NLGN1: variants seen among roughly 807,000 people sequenced by gnomAD.
The protein encoded by NLGN1 is neuroligin 1, also known as neuroligin-1.
Under a neutral mutation model 65.5 loss-of-function variants are expected in NLGN1, and 12 were observed. That is an observed-to-expected ratio of 0.18 (90% CI 0.12 to 0.30). The LOEUF is 0.30. Among genes scored for constraint, NLGN1 ranks in the 10% least tolerant of loss-of-function variants. The probability of loss-of-function intolerance (pLI) is 1.00; values close to 1 mark genes in which losing one functional copy is unlikely to be tolerated. For synonymous variants in NLGN1, 350 were observed against 359.5 expected (o/e 0.97, Z 0.30); for missense variants, 750 against 1,007.1 (o/e 0.74, Z 3.46).
At chr3:174,079,068 T>G (rs1476727630) in intron 4 of NLGN1, among the ~76,000 whole-genome samples, 1 of 152,060 alleles carries the variant, frequency 6.6e-6, no homozygotes, top group African/African-American at 2.4e-5. Context: ...GTTAGTGCAT[T>G]TGGCTAAAGA....
intron 2 of NLGN1, among the ~76,000 whole-genome samples, chr3:173,489,237 C>T (rs1728687859): frequency 1.3e-5 from 2 of 149,614 alleles, no homozygotes; most frequent in South Asian, 2.2e-4. Flanking sequence ...CTCCCCCTTA[C>T]CCCCACCCCA....
intron 3 of NLGN1, among the ~76,000 whole-genome samples, chr3:173,797,666 A>T (rs1714401806): frequency 6.8e-6 from 1 of 146,578 alleles, no homozygotes; most frequent in African/African-American, 2.5e-5. Flanking sequence ...CTAATGTAGC[A>T]AAAAACAAAA....
chr3:173,799,530 A>G (rs1307991443), intron 3 of NLGN1, among the ~76,000 whole-genome samples: 2 of 152,022 alleles, frequency 1.3e-5, no homozygotes, highest in African/African-American at 2.4e-5. Flanking sequence ...TAATTCCATT[A>G]TATTACTAAA....
intron 3 of NLGN1, among the ~76,000 whole-genome samples, chr3:173,700,873 C>A (rs1042534023): frequency 6.6e-6 from 1 of 152,292 alleles, no homozygotes; most frequent in South Asian, 2.1e-4. Flanking sequence ...AGCCTGTAAT[C>A]CCAGCACTTT....
chr3:174,094,746 T>TAAAAAAAA (rs5854552), intron 4 of NLGN1, among the ~76,000 whole-genome samples: 1 of 88,906 alleles, frequency 1.1e-5, no homozygotes, highest in Non-Finnish European at 2.1e-5. Context: ...TTGGCTCCGC[T>TAAAAAAAA]AAAAAAAAAA....
At chr3:173,585,457 G>A (rs868430804) in intron 2 of NLGN1, among the ~76,000 whole-genome samples, 1 of 152,110 alleles carries the variant, frequency 6.6e-6, no homozygotes, top group East Asian at 1.9e-4. Flanking sequence ...GGGGGAATTG[G>A]CTGTTTTCAT....
At chr3:173,593,617 C>G (rs1748926871) in intron 2 of NLGN1, among the ~76,000 whole-genome samples, 1 of 152,108 alleles carries the variant, frequency 6.6e-6, no homozygotes, top group Non-Finnish European at 1.5e-5. Context: ...GCTGTGGTCC[C>G]TCCAGGAGAA....
intron 2 of NLGN1, among the ~76,000 whole-genome samples, chr3:173,510,477 A>G (rs911351043): frequency 1.7e-4 from 26 of 152,218 alleles, no homozygotes; most frequent in Admixed American, 1.6e-3. Flanking sequence ...TGAAAGGTTC[A>G]GGTAGATAAA....
At chr3:173,877,060 T>C (rs904504038) in intron 4 of NLGN1, among the ~76,000 whole-genome samples, 5 of 152,104 alleles carry the variant, frequency 3.3e-5, no homozygotes, top group Non-Finnish European at 5.9e-5. Context: ...TCCCAAATAA[T>C]AACAAAGGAA....
intron 4 of NLGN1, among the ~76,000 whole-genome samples, chr3:174,021,646 C>A (rs111641787): frequency 6.6e-6 from 1 of 152,108 alleles, no homozygotes; most frequent in Non-Finnish European, 1.5e-5. Flanking sequence ...CATCTGGGAA[C>A]TGCCAGTCAC....
At chr3:173,760,126 C>G (rs1182714391) in intron 3 of NLGN1, among the ~76,000 whole-genome samples, 1 of 151,968 alleles carries the variant, frequency 6.6e-6, no homozygotes, top group Non-Finnish European at 1.5e-5. Flanking sequence ...TATAAAATCA[C>G]CTCTTTCACT....
chr3:174,223,724 C>T (rs1470968303), intron 4 of NLGN1, among the ~76,000 whole-genome samples: 2 of 152,178 alleles, frequency 1.3e-5, no homozygotes, highest in East Asian at 3.9e-4. Context: ...GCCTGCTGCT[C>T]ACAGAAATAA....
At chr3:174,002,887 T>C (rs562128953) in intron 4 of NLGN1, among the ~76,000 whole-genome samples, 1 of 152,348 alleles carries the variant, frequency 6.6e-6, no homozygotes, top group Admixed American at 6.5e-5. Flanking sequence ...TACTTGTAAG[T>C]GAAGATTTTA....
intron 4 of NLGN1, among the ~76,000 whole-genome samples, chr3:174,062,841 C>T (rs1737707669): frequency 6.6e-6 from 1 of 151,956 alleles, no homozygotes; most frequent in Non-Finnish European, 1.5e-5. Flanking sequence ...ATTAATTTAA[C>T]AGTGATTTAA....
chr3:173,771,795 C>T (rs545741993), intron 3 of NLGN1, among the ~76,000 whole-genome samples: 3 of 151,614 alleles, frequency 2.0e-5, no homozygotes, highest in South Asian at 2.1e-4. Context: ...TTGTCCATAC[C>T]GTATTGTAGT....
At chr3:173,573,924 G>T (rs532694349) in intron 2 of NLGN1, among the ~76,000 whole-genome samples, 1 of 151,452 alleles carries the variant, frequency 6.6e-6, no homozygotes. Flanking sequence ...TTAGCCGGGC[G>T]TGGTAGCGGG....
chr3:174,090,472 CAAAAAAA>C (rs1744304281), intron 4 of NLGN1, among the ~76,000 whole-genome samples: 1 of 150,784 alleles, frequency 6.6e-6, no homozygotes, highest in Admixed American at 6.6e-5. Context: ...GACTCTGTCT[CAAAAAAA>C]GAAAAAAGAA....
Position 173,947,257 on chromosome 3 carries a change from G to A in NLGN1, c.646+139425G>A, listed in dbSNP as rs117839953. 9.5e-4 allele frequency among the ~76,000 whole-genome samples: 145 copies of A among 151,862 alleles called. 1 individual carries two copies. In the East Asian group the frequency reaches 0.024, roughly 25 times the overall value. ...GGCTGGTCTCAAACTCCTTACCTCC[G>A]GTGATCTGCCCGCTTCAGCCTCCCA... On this transcript the variant is annotated intron_variant, in intron 4 of 6. Coordinates refer to ENST00000457714, the Ensembl canonical transcript of NLGN1.
At chr3:173,418,095 A>G (rs1324784846) in intron 1 of NLGN1, among the ~76,000 whole-genome samples, 2 of 151,122 alleles carry the variant, frequency 1.3e-5, no homozygotes, top group Admixed American at 6.6e-5. Flanking sequence ...TAAATAAAAT[A>G]TAATAAGTAT....
Sources: allele counts gnomAD v4.1 joint callset (sites outside exome capture counted in the v4.1 genomes callset), GRCh38; gene constraint gnomAD v4.1.1; transcripts MANE v1.5; gene names NCBI Gene and HGNC (gene_info 2026-07-23, HGNC 2026-07-21).